The following HPSE2 variants were observed in gnomAD, a reference collection of about 807,000 sequenced individuals.
HPSE2 encodes heparanase 2 (inactive).
HPSE2 carries 38 observed loss-of-function variants against 60.5 expected under a neutral mutation model. That is an observed-to-expected ratio of 0.63 (90% CI 0.48 to 0.82). HPSE2 has a LOEUF of 0.82. Among genes scored for constraint, HPSE2 ranks in the 40% least tolerant of loss-of-function variants. The pLI is 0.00. For synonymous variants in HPSE2, 295 were observed against 293.2 expected (o/e 1.01, Z -0.06); for missense variants, 713 against 740.4 (o/e 0.96, Z 0.43).
In HPSE2 at chr10:98,838,583, C is replaced by T. The variant is rs139396922; in HGVS notation, c.611-94527G>A. On this transcript the variant is annotated intron_variant, in intron 3 of 11. Transcript: ENST00000370552. ...GTGATTACAGGCATGCACCACCATG[C>T]CTGGCTAATTTTTTAACTTTTTTTT... is the stretch of plus-strand genomic sequence containing the variant. Among the ~76,000 whole-genome samples the T allele has an allele frequency of 1.5e-3, 220 of 151,646 alleles. 2 individuals are homozygous for T. The highest frequency in any genetic ancestry group is 5.1e-3 in the African/African-American group (209 of 41,344).
chr10:98,918,935 C>G (rs1036735298), intron 3 of HPSE2, among the ~76,000 whole-genome samples: 2 of 151,996 alleles, frequency 1.3e-5, no homozygotes, highest in Admixed American at 1.3e-4. Flanking sequence ...ATAGTTCAAC[C>G]AATATTTATT....
chr10:98,488,438 G>GT (rs1295972637), intron 10 of HPSE2, among the ~76,000 whole-genome samples: 12 of 152,254 alleles, frequency 7.9e-5, no homozygotes, highest in African/African-American at 2.6e-4. Context: ...CTGGCCCTGA[G>GT]TTCATGGTAC....
chr10:98,583,992 A>T (rs1010923835), intron 9 of HPSE2, among the ~76,000 whole-genome samples: 1 of 152,196 alleles, frequency 6.6e-6, no homozygotes, highest in Non-Finnish European at 1.5e-5. Context: ...TTGTGTGGAC[A>T]TGTGTTTTTA....
chr10:99,144,022 T>C (rs1845960460), intron 3 of HPSE2, among the ~76,000 whole-genome samples: 2 of 152,244 alleles, frequency 1.3e-5, no homozygotes, highest in African/African-American at 4.8e-5. Flanking sequence ...CAATAGGTTT[T>C]CATCAGTTCT....
At chr10:98,908,752 A>G (rs1040625538) in intron 3 of HPSE2, among the ~76,000 whole-genome samples, 3 of 151,796 alleles carry the variant, frequency 2.0e-5, no homozygotes, top group African/African-American at 7.3e-5. Context: ...AATATTCCAT[A>G]TATTTATATA....
At chr10:98,852,030 C>G (rs1952185241) in intron 3 of HPSE2, among the ~76,000 whole-genome samples, 1 of 151,628 alleles carries the variant, frequency 6.6e-6, no homozygotes, top group South Asian at 2.1e-4. Flanking sequence ...CTACCGGTGT[C>G]CAGCTACAGC....
In HPSE2 at chr10:99,144,195, TAACTGAATGCTCTAAGATTTCAACC is replaced by T. The variant is rs768442942; in HGVS notation, c.610+18_610+42del. On this transcript the variant is annotated intron_variant, in intron 3 of 11. Coordinates refer to ENST00000370552, the MANE Select transcript of HPSE2 (RefSeq NM_021828.5). ...ATGTGTACCCCAAAAAACAAGTTAC[TAACTGAATGCTCTAAGATTTCAACC>T]AACTCCAATAGCCTTACCTGTTAAT... 4 of 1,602,372 alleles carry T rather than the reference TAACTGAATGCTCTAAGATTTCAACC, an allele frequency of 2.5e-6. No individual in the cohort carries two copies. The highest frequency in any genetic ancestry group is 3.4e-6 in the Non-Finnish European group (4 of 1,171,956).
chr10:99,101,916 A>G (rs1017358079), intron 3 of HPSE2, among the ~76,000 whole-genome samples: 1 of 152,254 alleles, frequency 6.6e-6, no homozygotes, highest in Non-Finnish European at 1.5e-5. Context: ...GGCAGAAATG[A>G]AGATGTTCTT....
intron 4 of HPSE2, among the ~76,000 whole-genome samples, chr10:98,737,095 C>G (rs548246060): frequency 6.6e-6 from 1 of 152,204 alleles, no homozygotes; most frequent in South Asian, 2.1e-4. Context: ...CCCCTCCTCT[C>G]CTTCCCTATC....
At chr10:98,580,824 T>TTATTTATATATATATA (rs1491135603) in intron 9 of HPSE2, among the ~76,000 whole-genome samples, 3 of 128,576 alleles carry the variant, frequency 2.3e-5, no homozygotes, top group Non-Finnish European at 4.8e-5. Context: ...GTGCTTGGTT[T>TTATTTATATATATATA]TATATATATA....
chr10:98,857,070 T>C (rs142183696), intron 3 of HPSE2, among the ~76,000 whole-genome samples: 1 of 152,188 alleles, frequency 6.6e-6, no homozygotes, highest in Admixed American at 6.5e-5. Flanking sequence ...AATCACAAAA[T>C]GTTAGAATTA....
At chr10:98,746,680 A>G (rs1949637390) in intron 3 of HPSE2, among the ~76,000 whole-genome samples, 2 of 152,026 alleles carry the variant, frequency 1.3e-5, no homozygotes, top group South Asian at 4.1e-4. Context: ...TAGTTGTCCT[A>G]TTTAGTTTTA....
intron 2 of HPSE2, among the ~76,000 whole-genome samples, chr10:99,220,081 T>C (rs1849258004): frequency 6.6e-6 from 1 of 152,228 alleles, no homozygotes; most frequent in Admixed American, 6.5e-5. Flanking sequence ...GCACTTGTTT[T>C]ATTAAAGGAT....
At chr10:99,139,403 C>A (rs10786509) in intron 3 of HPSE2, among the ~76,000 whole-genome samples, 1 of 151,690 alleles carries the variant, frequency 6.6e-6, no homozygotes, top group Non-Finnish European at 1.5e-5. Flanking sequence ...TCCATAAAAC[C>A]AAAAACCACT....
intron 3 of HPSE2, among the ~76,000 whole-genome samples, chr10:98,825,465 A>T (rs1951520785): frequency 6.6e-6 from 1 of 152,194 alleles, no homozygotes; most frequent in African/African-American, 2.4e-5. Context: ...CTTAAACAAC[A>T]ACTATTCAAG....
the HPSE2 span, among the ~76,000 whole-genome samples, chr10:99,249,970 T>C: frequency 4.6e-5 from 7 of 151,906 alleles, no homozygotes; most frequent in African/African-American, 1.7e-4. Flanking sequence ...GGTGAAACCC[T>C]GTCTCTACTA....
chr10:98,597,117 T>A (rs1479823071), intron 9 of HPSE2, among the ~76,000 whole-genome samples: 1 of 152,068 alleles, frequency 6.6e-6, no homozygotes, highest in Non-Finnish European at 1.5e-5. Flanking sequence ...GAGAACAGCA[T>A]GGGGGAAACT....
At chr10:98,560,955 G>A (rs933258627) in intron 9 of HPSE2, among the ~76,000 whole-genome samples, 1 of 152,130 alleles carries the variant, frequency 6.6e-6, no homozygotes, top group Non-Finnish European at 1.5e-5. Flanking sequence ...TTTGTGACTG[G>A]TTTATGTATT....
chr10:98,837,432 C>G (rs1018923035), intron 3 of HPSE2, among the ~76,000 whole-genome samples: 2 of 152,134 alleles, frequency 1.3e-5, no homozygotes, highest in Non-Finnish European at 2.9e-5. Flanking sequence ...ATGGAAGGTG[C>G]TAAAGTTGCC....
Sources: allele counts gnomAD v4.1 joint callset (sites outside exome capture counted in the v4.1 genomes callset), GRCh38; gene constraint gnomAD v4.1.1; transcripts MANE v1.5; gene names NCBI Gene and HGNC (gene_info 2026-07-23, HGNC 2026-07-21).